The following MYO5A variants were observed in gnomAD, a reference collection of about 807,000 sequenced individuals.
The protein encoded by MYO5A is myosin VA, also known as unconventional myosin-Va.
Under a neutral mutation model 249.7 loss-of-function variants are expected in MYO5A, and 98 were observed. The ratio of observed to expected loss-of-function variants is 0.39; its 90% confidence interval spans 0.33 to 0.46. MYO5A has a LOEUF of 0.46. Ranked by LOEUF, MYO5A falls within the 20% of genes least tolerant of loss-of-function variation. The probability of loss-of-function intolerance (pLI) is 0.98; values close to 1 mark genes in which losing one functional copy is unlikely to be tolerated. For synonymous variants in MYO5A, 778 were observed against 810.6 expected (o/e 0.96, Z 0.68); for missense variants, 1,696 against 2,308.8 (o/e 0.73, Z 5.44).
chr15:52,453,848 A>G (rs1409513224), intron 1 of MYO5A, among the ~76,000 whole-genome samples: 1 of 152,176 alleles, frequency 6.6e-6, no homozygotes, highest in Non-Finnish European at 1.5e-5. Context: ...GTAACTACAA[A>G]GTAAAAACTT....
chr15:52,460,278 T>C (rs1189231107), intron 1 of MYO5A, among the ~76,000 whole-genome samples: 1 of 152,136 alleles, frequency 6.6e-6, no homozygotes, highest in Non-Finnish European at 1.5e-5. Context: ...CTTGGCACTT[T>C]AGGAGGCCAA....
intron 1 of MYO5A, among the ~76,000 whole-genome samples, chr15:52,445,916 G>T (rs1203507730): frequency 6.6e-6 from 1 of 152,210 alleles, no homozygotes; most frequent in African/African-American, 2.4e-5. Context: ...CAGGAGCAAA[G>T]AAGCGACTTA....
chr15:52,426,515 T>TTTG (rs1176377697), intron 3 of MYO5A, among the ~76,000 whole-genome samples: 1 of 152,194 alleles, frequency 6.6e-6, no homozygotes, highest in African/African-American at 2.4e-5. Context: ...CAAGCTGGAG[T>TTTG]GCAATGTTAC....
rs964059807 is a variant in MYO5A at position 52,308,963 on chromosome 15, A to G, written c.*4733T>C. ...GCACCCATCAACACCTACGGCATGCACACACTGCAGTGCCCACGCACACAC... is the reference window on the plus strand; with the variant it reads ...GCACCCATCAACACCTACGGCATGCGCACACTGCAGTGCCCACGCACACAC... On this transcript the variant is annotated 3_prime_UTR_variant, in exon 42 of 42. Coordinates refer to ENST00000399233, the MANE Select transcript of MYO5A (RefSeq NM_001382347.1). 1 of 152,812 alleles carries G rather than the reference A, an allele frequency of 6.5e-6. No homozygotes were observed. Among genetic ancestry groups the G allele is most frequent in the African/African-American group, 2.4e-5 (1 of 41,448 alleles). 9.5% of individuals were successfully genotyped at this position (152,812 alleles called of 1,614,324 possible).
chr15:52,470,021 A>T (rs185173004), intron 1 of MYO5A, among the ~76,000 whole-genome samples: 8 of 152,342 alleles, frequency 5.3e-5, no homozygotes, highest in Non-Finnish European at 7.3e-5. Context: ...GAAGGCATTC[A>T]CAACATCTGG....
chr15:52,524,614 C>G (rs1450252461), intron 1 of MYO5A, among the ~76,000 whole-genome samples: 3 of 151,554 alleles, frequency 2.0e-5, no homozygotes, highest in African/African-American at 7.3e-5. Flanking sequence ...TGTGGTGGCT[C>G]ATGCCTGTAA....
chr15:52,332,533 G>C (rs1260542857), intron 34 of MYO5A, among the ~76,000 whole-genome samples: 1 of 152,158 alleles, frequency 6.6e-6, no homozygotes, highest in African/African-American at 2.4e-5. Flanking sequence ...GATAGAATGT[G>C]CCATACTCTC....
intron 1 of MYO5A, among the ~76,000 whole-genome samples, chr15:52,498,208 T>C (rs1307348903): frequency 6.6e-6 from 1 of 152,224 alleles, no homozygotes; most frequent in Non-Finnish European, 1.5e-5. Flanking sequence ...TTTGTACAGA[T>C]ATAATCTATG....
intron 29 of MYO5A, among the ~76,000 whole-genome samples, chr15:52,348,266 G>C (rs8042245): frequency 0.091 from 13,813 of 151,686 alleles, 1,941 homozygotes; most frequent in African/African-American, 0.31. Context: ...GTGCTATATA[G>C]GAAAATTCCA....
chr15:52,470,441 G>A (rs1433491606), intron 1 of MYO5A, among the ~76,000 whole-genome samples: 3 of 150,748 alleles, frequency 2.0e-5, no homozygotes, highest in Non-Finnish European at 4.4e-5. Context: ...CACCTGAGGT[G>A]GGGAGTTCGA....
At chr15:52,330,297 C>T in intron 35 of MYO5A, 56 bp downstream of exon 35, 2 of 1,610,718 alleles carry the variant, frequency 1.2e-6, no homozygotes, top group East Asian at 4.5e-5. Flanking sequence ...ACTAGTTTTT[C>T]CCACCATTAA....
At chr15:52,477,027 C>A (rs1408712947) in intron 1 of MYO5A, among the ~76,000 whole-genome samples, 1 of 152,320 alleles carries the variant, frequency 6.6e-6, no homozygotes, top group African/African-American at 2.4e-5. Flanking sequence ...CTTTCAGGTA[C>A]GCCAATCAGA....
rs575265797 is a variant in MYO5A, at chr15:52,523,572, G to A, written c.27+5208C>T. Among the ~76,000 whole-genome samples, 8 of 152,286 alleles carry A rather than the reference G, an allele frequency of 5.3e-5. No homozygotes were observed. In the South Asian group the frequency reaches 1.4e-3, roughly 28 times the overall value. On this transcript the variant is annotated intron_variant, in intron 1 of 41. Coordinates refer to ENST00000399233, the MANE Select transcript of MYO5A (RefSeq NM_001382347.1). ...AAACATATACACAAATACAGTAACC[G>A]TAATAAGACAGAAACATGTTTGGGA... is the stretch of plus-strand genomic sequence containing the variant.
intron 1 of MYO5A, chr15:52,435,545 G>A (rs1476981020): frequency 7.2e-6 from 3 of 418,388 alleles, no homozygotes; most frequent in Non-Finnish European, 1.4e-5. Flanking sequence ...TCAAGGTGCT[G>A]GGATTACAGG....
At position 52,397,244 on chromosome 15, in the gene MYO5A, C is replaced by T. The variant is rs1030744947; in HGVS notation, c.1276G>A (p.Ala426Thr). The change falls in exon 10 of 42, where the codon GCT becomes ACT. Residue 426 changes from alanine to threonine, a missense_variant. Ala to Thr is a moderately conservative substitution (Grantham distance 58). Coordinates refer to ENST00000399233, the MANE Select transcript of MYO5A (RefSeq NM_001382347.1). The part of the protein sequence containing the change: ...VDNVNQALHS[A>T]VKQHSFIGVL... The stretch of plus-strand genomic sequence containing the variant: ...CCAATAAAAGAGTGCTGTTTGACAG[C>T]AGAATGGAGAGCCTGATTGACATTA... 6.2e-7 allele frequency: 1 copy of T among 1,613,972 alleles called. No individual in the cohort carries two copies.
intron 14 of MYO5A, among the ~76,000 whole-genome samples, chr15:52,386,543 A>G (rs2141145518): frequency 6.6e-6 from 1 of 151,776 alleles, no homozygotes; most frequent in Non-Finnish European, 1.5e-5. Flanking sequence ...TGCCTGTTAG[A>G]CACTTTAACT....
At chr15:52,520,929 G>A (rs763481527) in intron 1 of MYO5A, among the ~76,000 whole-genome samples, 1 of 152,132 alleles carries the variant, frequency 6.6e-6, no homozygotes, top group Non-Finnish European at 1.5e-5. Context: ...TATTCTGGAT[G>A]TCAAAGAGTC....
At chr15:52,374,289 T>C (rs1281903188) in intron 20 of MYO5A, among the ~76,000 whole-genome samples, 1 of 152,214 alleles carries the variant, frequency 6.6e-6, no homozygotes, top group Non-Finnish European at 1.5e-5. Context: ...TTTAACCACA[T>C]TAATGTTATA....
At chr15:52,499,038 TG>T (rs1407408042) in intron 1 of MYO5A, among the ~76,000 whole-genome samples, 2 of 152,244 alleles carry the variant, frequency 1.3e-5, no homozygotes, top group Non-Finnish European at 2.9e-5. Flanking sequence ...CTAGGCTTTG[TG>T]GGGCAGAGCC....
Sources: gnomAD v4.1 joint callset for allele counts (sites outside exome capture counted in the v4.1 genomes callset) on GRCh38, gnomAD v4.1.1 for gene constraint, MANE v1.5 for transcripts, NCBI Gene and HGNC (gene_info 2026-07-23, HGNC 2026-07-21) for gene names.